COL13A1: variants seen among roughly 807,000 people sequenced by gnomAD.
The protein encoded by COL13A1 is collagen alpha-1(XIII) chain.
In COL13A1, 89 loss-of-function variants were observed where a neutral mutation model predicts 130.9. The observed-to-expected ratio is 0.68, with a 90% confidence interval of 0.57 to 0.81. The LOEUF (loss-of-function observed/expected upper bound fraction) is 0.81, where lower values mean the gene tolerates loss of function less well. Ranked by LOEUF, COL13A1 falls within the 30% of genes least tolerant of loss-of-function variation. COL13A1 has a pLI of 0.00. For missense variants in COL13A1, 879 were observed against 934.6 expected (o/e 0.94, Z 0.78); for synonymous variants, 402 against 341.6 (o/e 1.18, Z -1.95).
chr10:69,932,629 G>C, intron 31 of COL13A1, 25 bp downstream of exon 31: 1 of 1,527,972 alleles, frequency 6.5e-7, no homozygotes. Flanking sequence ...ATTTGACAGA[G>C]ACTCATCAAG....
chr10:69,847,200 C>T (rs1853389647), intron 2 of COL13A1, among the ~76,000 whole-genome samples: 1 of 152,172 alleles, frequency 6.6e-6, no homozygotes, highest in Non-Finnish European at 1.5e-5. Flanking sequence ...TTCTTATGCT[C>T]ATTTTACTGA....
intron 5 of COL13A1, among the ~76,000 whole-genome samples, chr10:69,875,729 G>A (rs559611118): frequency 1.2e-4 from 19 of 152,386 alleles, no homozygotes; most frequent in Non-Finnish European, 2.6e-4. Flanking sequence ...AGATGAGAAC[G>A]TTTGATGGAG....
At chr10:69,859,691 G>A (rs949756289) in intron 2 of COL13A1, among the ~76,000 whole-genome samples, 3 of 152,054 alleles carry the variant, frequency 2.0e-5, no homozygotes, top group Non-Finnish European at 4.4e-5. Flanking sequence ...GAGGTCAAGG[G>A]TCTCGTCAGG....
At chr10:69,880,892 G>A (rs986313895) in intron 7 of COL13A1, among the ~76,000 whole-genome samples, 15 of 152,224 alleles carry the variant, frequency 9.9e-5, no homozygotes, top group Admixed American at 3.9e-4. Context: ...CGGCTTTCCC[G>A]GGAACCAGCC....
intron 8 of COL13A1, 50 bp downstream of exon 8, chr10:69,887,541 T>A (rs774995726): frequency 1.7e-5 from 27 of 1,599,516 alleles, no homozygotes; most frequent in Non-Finnish European, 2.3e-5. Context: ...TCTGTAGGCC[T>A]GATTGGGTTA....
chr10:69,851,528 C>A (rs910965018), intron 2 of COL13A1, among the ~76,000 whole-genome samples: 1 of 152,234 alleles, frequency 6.6e-6, no homozygotes, highest in Admixed American at 6.5e-5. Context: ...TTTCTCCCTG[C>A]GCTGTCTAAT....
chr10:69,827,632 G>A (rs1388201302), intron 2 of COL13A1, among the ~76,000 whole-genome samples: 1 of 152,190 alleles, frequency 6.6e-6, no homozygotes, highest in African/African-American at 2.4e-5. Flanking sequence ...AAGAGTCTGC[G>A]ATCCTACGAA....
intron 2 of COL13A1, among the ~76,000 whole-genome samples, chr10:69,833,174 G>A (rs1167246589): frequency 6.6e-6 from 1 of 152,182 alleles, no homozygotes; most frequent in Admixed American, 6.5e-5. Flanking sequence ...CCATGTGTTT[G>A]TATCACACCC....
In COL13A1 at chr10:69,833,791, A is replaced by G. The variant is rs114456111; in HGVS notation, c.364+11353A>G. 5.1e-3 allele frequency among the ~76,000 whole-genome samples: 769 copies of G among 152,264 alleles called. 9 individuals carry two copies. The highest frequency in any genetic ancestry group is 0.018 in the African/African-American group (740 of 41,536). ...ACCCCACACCCCACTCTGGGAAATGAGGAATGATCTGGAGCGGTTGTAGTA... is the reference window on the plus strand; with the variant it reads ...ACCCCACACCCCACTCTGGGAAATGGGGAATGATCTGGAGCGGTTGTAGTA... On this transcript the variant is annotated intron_variant, in intron 2 of 40. Coordinates refer to ENST00000645393, the MANE Select transcript of COL13A1 (RefSeq NM_001368882.1).
At chr10:69,856,968 A>T (rs993954981) in intron 2 of COL13A1, among the ~76,000 whole-genome samples, 44 of 152,330 alleles carry the variant, frequency 2.9e-4, no homozygotes, top group African/African-American at 1.0e-3. Context: ...CCTCGCCCAC[A>T]CAAGGGCTGA....
At chr10:69,858,988 T>C (rs1857230084) in intron 2 of COL13A1, among the ~76,000 whole-genome samples, 2 of 152,052 alleles carry the variant, frequency 1.3e-5, no homozygotes, top group African/African-American at 4.8e-5. Flanking sequence ...TCAGGGCAGT[T>C]AGATGATGCA....
rs546501987 is a variant in COL13A1, at chr10:69,936,759, C to T, written c.1774C>T (p.Leu592Phe). The T allele has an allele frequency of 6.2e-7, 1 of 1,613,918 alleles. No individual in the cohort carries two copies. The highest frequency in any genetic ancestry group is 1.3e-5 in the African/African-American group (1 of 75,048). ...GPEGPPGPPG[L>F]QGVPGPKGEA... is the part of the protein sequence containing the mutation. ...CCTTGCTTTATTCCAAATGCAGGGGCTCCAAGGTGTTCCTGGACCAAAGGT... is the reference window on the plus strand; with the variant it reads ...CCTTGCTTTATTCCAAATGCAGGGGTTCCAAGGTGTTCCTGGACCAAAGGT... The change falls in exon 33 of 41, where the codon CTC becomes TTC. Residue 592 changes from leucine to phenylalanine, a missense_variant. Leu to Phe is a conservative substitution (Grantham distance 22, BLOSUM62 0). Around this residue, in one of 3 missense-constraint regions of COL13A1, gnomAD observed 96 missense variants for 147.7 expected, o/e 0.65. Transcript: ENST00000645393.
At chr10:69,937,549 C>A (rs946745293) in intron 33 of COL13A1, 86 bp from the exon 34 acceptor site, 3 of 698,682 alleles carry the variant, frequency 4.3e-6, no homozygotes, top group African/African-American at 3.5e-5. Flanking sequence ...ACAAATGCCA[C>A]CCCAGCCTCC....
At position 69,929,003 on chromosome 10, in the gene COL13A1, A is replaced by G. The variant is rs1341315940; in HGVS notation, c.1485+4A>G. Reference sequence around the variant, plus strand: ...TCCAGGGATTCCAGGCCAGAAGGTAAATCTTATCTTGACAAAGGGGGTGAA... The same window carrying G: ...TCCAGGGATTCCAGGCCAGAAGGTAGATCTTATCTTGACAAAGGGGGTGAA... On this transcript the variant is annotated splice_donor_region_variant and intron_variant, in intron 28 of 40. Transcript: ENST00000645393. 1.2e-6 allele frequency: 2 copies of G among 1,612,224 alleles called. No homozygotes were observed. The highest frequency in any genetic ancestry group is 1.1e-5 in the South Asian group (1 of 90,752).
intron 2 of COL13A1, among the ~76,000 whole-genome samples, chr10:69,858,775 A>C (rs917565409): frequency 1.3e-5 from 2 of 152,174 alleles, no homozygotes; most frequent in Non-Finnish European, 2.9e-5. Context: ...TCCCCCCACC[A>C]CTAAGTCTTG....
intron 5 of COL13A1, among the ~76,000 whole-genome samples, chr10:69,876,759 A>G (rs1358475911): frequency 1.3e-5 from 2 of 152,166 alleles, no homozygotes; most frequent in East Asian, 1.9e-4. Context: ...CCAAATGAAG[A>G]TGTTGAGACT....
At chr10:69,871,984 AGGTG>A (rs1273971570) in intron 3 of COL13A1, among the ~76,000 whole-genome samples, 196 bp from the exon 4 acceptor site, 3 of 152,234 alleles carry the variant, frequency 2.0e-5, no homozygotes, top group African/African-American at 7.2e-5. Context: ...AGGTGAACAC[AGGTG>A]GGCTTTCTTC....
intron 13 of COL13A1, among the ~76,000 whole-genome samples, chr10:69,898,293 C>T (rs2061855439): frequency 1.3e-5 from 2 of 152,220 alleles, no homozygotes; most frequent in African/African-American, 4.8e-5. Context: ...GTGGGGCTGG[C>T]AGTGCAACGT....
chr10:69,931,255 C>T (rs1273946865), intron 30 of COL13A1: 3 of 454,952 alleles, frequency 6.6e-6, no homozygotes, highest in South Asian at 3.1e-5. Flanking sequence ...CTGAGGTTTA[C>T]AGTGAAGCCA....
Sources: allele counts gnomAD v4.1 joint callset (sites outside exome capture counted in the v4.1 genomes callset), GRCh38; gene constraint gnomAD v4.1.1; regional missense constraint gnomAD v4.1.1; transcripts MANE v1.5; gene names NCBI Gene and HGNC (gene_info 2026-07-23, HGNC 2026-07-21).